The following TMEM131L variants were observed in gnomAD, a reference collection of about 807,000 sequenced individuals.
TMEM131L encodes the protein transmembrane protein 131-like.
A neutral mutation model predicts 192.2 loss-of-function variants in TMEM131L; 54 were observed. That is an observed-to-expected ratio of 0.28 (90% confidence interval 0.23 to 0.35). The LOEUF (loss-of-function observed/expected upper bound fraction) is 0.35, where lower values mean the gene tolerates loss of function less well. Among genes scored for constraint, TMEM131L ranks in the 10% least tolerant of loss-of-function variants. The pLI is 1.00. For missense variants in TMEM131L, 1,888 were observed against 1,972.9 expected (o/e 0.96, Z 0.82); for synonymous variants, 701 against 704.9 (o/e 0.99, Z 0.09).
chr4:153,606,429 T>C (rs1377950379), intron 25 of TMEM131L, among the ~76,000 whole-genome samples: 1 of 152,138 alleles, frequency 6.6e-6, no homozygotes, highest in Non-Finnish European at 1.5e-5. Context: ...ACCTTCTATA[T>C]CTTAATACTT....
intron 3 of TMEM131L, among the ~76,000 whole-genome samples, chr4:153,547,892 T>C (rs1043908060): frequency 6.6e-6 from 1 of 152,262 alleles, no homozygotes; most frequent in African/African-American, 2.4e-5. Flanking sequence ...ATGTGGAGGT[T>C]GTGTAAAATC....
At chr4:153,564,344 C>T (rs1355847221) in intron 7 of TMEM131L, among the ~76,000 whole-genome samples, 1 of 149,506 alleles carries the variant, frequency 6.7e-6, no homozygotes, top group Non-Finnish European at 1.5e-5. Flanking sequence ...GCCCCTTCTG[C>T]CATTTGAGGA....
intron 3 of TMEM131L, among the ~76,000 whole-genome samples, chr4:153,544,300 G>A (rs1440024632): frequency 6.6e-6 from 1 of 151,954 alleles, no homozygotes; most frequent in Non-Finnish European, 1.5e-5. Flanking sequence ...TCACTTGTTC[G>A]AAAGGACAGG....
intron 3 of TMEM131L, among the ~76,000 whole-genome samples, chr4:153,547,598 C>G (rs1387905441): frequency 6.6e-6 from 1 of 152,184 alleles, no homozygotes; most frequent in African/African-American, 2.4e-5. Context: ...TGGGGTAGAT[C>G]GTTTCCATTT....
chr4:153,508,717 G>A (rs1261240865), intron 3 of TMEM131L, among the ~76,000 whole-genome samples: 1 of 149,360 alleles, frequency 6.7e-6, no homozygotes. Context: ...CCAGGCTGGA[G>A]TGTAGTGGCC....
rs369349042 is a variant in TMEM131L, at chr4:153,602,386, A to T, written c.2453+48A>T. The stretch of plus-strand genomic sequence containing the variant: ...ATTTCAGTTTTGTGGTGCGTTTAAC[A>T]ATGTGAGGAGGAAAACTTTTTCTAT... On this transcript the variant is annotated intron_variant, in intron 22 of 34. Transcript: ENST00000409959. 1.9e-6 allele frequency: 3 copies of T among 1,582,316 alleles called. No individual in the cohort carries two copies. In the African/African-American group the frequency reaches 4.1e-5, roughly 22 times the overall value.
intron 7 of TMEM131L, among the ~76,000 whole-genome samples, chr4:153,569,491 C>T (rs889859665): frequency 6.6e-6 from 1 of 152,200 alleles, no homozygotes; most frequent in African/African-American, 2.4e-5. Context: ...ACTGCAATAT[C>T]CGGTACAGTT....
At position 153,585,527 on chromosome 4, in the gene TMEM131L, G is replaced by T. The variant is rs770781424; in HGVS notation, c.1227G>T (p.Trp409Cys). 6.2e-7 allele frequency: 1 copy of T among 1,613,926 alleles called. No individual in the cohort carries two copies. The highest frequency in any genetic ancestry group is 8.5e-7 in the Non-Finnish European group (1 of 1,179,908). ...CTCATGAGAACACATCAGGACTTTG[G>T]TCAATATGGTACCGCAACCATTTTG... is the stretch of plus-strand genomic sequence containing the variant. The part of the protein sequence containing the change: ...IETHENTSGL[W>C]SIWYRNHFDR... The change falls in exon 13 of 35, where the codon TGG (tryptophan) becomes TGT (cysteine). Residue 409 changes from tryptophan (W) to cysteine (C), a missense_variant. Transcript: ENST00000409959.
chr4:153,614,645 AC>A (rs1448859022), intron 26 of TMEM131L, among the ~76,000 whole-genome samples: 6 of 152,222 alleles, frequency 3.9e-5, no homozygotes, highest in Non-Finnish European at 8.8e-5. Context: ...GATGCCTGTT[AC>A]GTAGAATCAG....
chr4:153,604,771 C>G (rs1441937951), intron 25 of TMEM131L, among the ~76,000 whole-genome samples: 2 of 152,092 alleles, frequency 1.3e-5, no homozygotes, highest in African/African-American at 4.8e-5. Flanking sequence ...GTGGTGTGAT[C>G]TTGGCTCACT....
At chr4:153,482,555 T>C (rs1432154248) in intron 3 of TMEM131L, among the ~76,000 whole-genome samples, 5 of 152,092 alleles carry the variant, frequency 3.3e-5, no homozygotes, top group African/African-American at 1.2e-4. Flanking sequence ...GAATACTAAT[T>C]TTGGTTTTCA....
intron 12 of TMEM131L, among the ~76,000 whole-genome samples, 200 bp downstream of exon 12, chr4:153,585,131 T>C (rs1730612240): frequency 6.6e-6 from 1 of 152,228 alleles, no homozygotes; most frequent in Non-Finnish European, 1.5e-5. Context: ...TAATTCAGTT[T>C]ATGAAATAGG....
At chr4:153,482,127 C>T (rs1207795915) in intron 3 of TMEM131L, among the ~76,000 whole-genome samples, 2 of 152,162 alleles carry the variant, frequency 1.3e-5, no homozygotes, top group Admixed American at 6.6e-5. Context: ...TACAGGTGTA[C>T]ACCACCGTGC....
At chr4:153,504,269 T>A in intron 3 of TMEM131L, among the ~76,000 whole-genome samples, 1 of 37,962 alleles carries the variant, frequency 2.6e-5, no homozygotes, top group African/African-American at 2.9e-4. Context: ...GGTCGGCCTT[T>A]TTTTTTTTTT....
intron 3 of TMEM131L, among the ~76,000 whole-genome samples, chr4:153,509,023 A>G (rs1186602950): frequency 1.3e-5 from 2 of 152,082 alleles, no homozygotes; most frequent in African/African-American, 2.4e-5. Context: ...TATATAACCT[A>G]TGATGCTTTT....
chr4:153,550,272 T>C, intron 4 of TMEM131L, 131 bp downstream of exon 4: 1 of 464,366 alleles, frequency 2.2e-6, no homozygotes, highest in South Asian at 4.2e-5. Flanking sequence ...ATCCTGGGAC[T>C]TAAGAGAAAT....
intron 7 of TMEM131L, among the ~76,000 whole-genome samples, chr4:153,568,415 T>C (rs1032157804): frequency 6.6e-5 from 10 of 152,226 alleles, no homozygotes; most frequent in African/African-American, 1.7e-4. Flanking sequence ...TTTAACTCAA[T>C]GTTTACCTTG....
intron 6 of TMEM131L, 77 bp from the exon 7 acceptor site, chr4:153,558,181 G>A: frequency 1.4e-6 from 1 of 693,558 alleles, no homozygotes; most frequent in East Asian, 2.5e-5. Flanking sequence ...GATTTCCTTT[G>A]GAGACGTGCT....
At position 153,627,152 on chromosome 4, in the gene TMEM131L, T is replaced by C. The variant is rs151225263; in HGVS notation, c.4125-453T>C. On this transcript the variant is annotated intron_variant, in intron 30 of 34. Coordinates refer to ENST00000409959, the MANE Select transcript of TMEM131L (RefSeq NM_001131007.2). The stretch of plus-strand genomic sequence containing the variant: ...TCTTCATGGGTTTATTGGGGGTAGG[T>C]TGTCAGCAAAGGAGTAAGAGTTGCT... Among the ~76,000 whole-genome samples, 22 of 152,160 alleles carry C rather than the reference T, an allele frequency of 1.4e-4. No homozygotes were observed. In the East Asian group the frequency reaches 4.2e-3, roughly 29 times the overall value.
Sources: gnomAD v4.1 joint callset for allele counts (sites outside exome capture counted in the v4.1 genomes callset) on GRCh38, gnomAD v4.1.1 for gene constraint, MANE v1.5 for transcripts, NCBI Gene and HGNC (gene_info 2026-07-23, HGNC 2026-07-21) for gene names.